CNTN5: variants seen among roughly 807,000 people sequenced by gnomAD.
The protein encoded by CNTN5 is contactin-5.
CNTN5 carries 77 observed loss-of-function variants against 129.1 expected under a neutral mutation model. That is an observed-to-expected ratio of 0.60 (90% CI 0.50 to 0.72). CNTN5 has a LOEUF of 0.72. Ranked by LOEUF, CNTN5 falls within the 30% of genes least tolerant of loss-of-function variation. CNTN5 has a pLI of 0.00. For synonymous variants in CNTN5, 509 were observed against 465.6 expected (o/e 1.09, Z -1.20); for missense variants, 1,478 against 1,328.8 (o/e 1.11, Z -1.75).
intron 3 of CNTN5, among the ~76,000 whole-genome samples, chr11:99,785,677 G>C (rs1472598403): frequency 2.0e-5 from 3 of 152,048 alleles, no homozygotes; most frequent in African/African-American, 7.2e-5. Flanking sequence ...TCACCCCTGG[G>C]TTACAAGACT....
intron 13 of CNTN5, among the ~76,000 whole-genome samples, chr11:100,119,972 T>G: frequency 6.6e-6 from 1 of 151,966 alleles, no homozygotes; most frequent in Middle Eastern, 3.2e-3. Context: ...AAAATAGATA[T>G]ATTTACAACT....
At chr11:99,388,011 C>G (rs1591610926) in intron 2 of CNTN5, among the ~76,000 whole-genome samples, 1 of 152,062 alleles carries the variant, frequency 6.6e-6, no homozygotes, top group South Asian at 2.1e-4. Context: ...AATTGAGAAC[C>G]CTCTCTCTAT....
At chr11:99,439,262 G>A (rs1396603218) in intron 2 of CNTN5, among the ~76,000 whole-genome samples, 1 of 151,948 alleles carries the variant, frequency 6.6e-6, no homozygotes, top group Non-Finnish European at 1.5e-5. Context: ...GCATGTTAAT[G>A]AGCTAGTTCA....
chr11:100,124,616 T>A (rs1946126354), intron 13 of CNTN5, among the ~76,000 whole-genome samples: 1 of 152,072 alleles, frequency 6.6e-6, no homozygotes, highest in African/African-American at 2.4e-5. Flanking sequence ...CAATACCATA[T>A]AAAGTATTGT....
chr11:99,301,205 G>A (rs1023963684), intron 1 of CNTN5, among the ~76,000 whole-genome samples: 2 of 151,198 alleles, frequency 1.3e-5, no homozygotes, highest in African/African-American at 2.4e-5. Flanking sequence ...AATACACATA[G>A]AAAACAAGTA....
chr11:99,687,065 C>T (rs1157750963), intron 3 of CNTN5, among the ~76,000 whole-genome samples: 1 of 152,146 alleles, frequency 6.6e-6, no homozygotes, highest in Non-Finnish European at 1.5e-5. Context: ...ACGTGAAGAG[C>T]TCTATTCAGG....
chr11:100,353,800 GTGTGTGTGTGTGTGCACGCCCA>G (rs981630852), intron 24 of CNTN5, among the ~76,000 whole-genome samples: 1 of 150,670 alleles, frequency 6.6e-6, no homozygotes, highest in African/African-American at 2.4e-5. Context: ...TTTTGCATTT[GTGTGTGTGTGTGTGCACGCCCA>G]TGTGTGTGTT....
chr11:100,272,250 C>T (rs1950420178), intron 18 of CNTN5, among the ~76,000 whole-genome samples: 1 of 152,122 alleles, frequency 6.6e-6, no homozygotes, highest in South Asian at 2.1e-4. Flanking sequence ...CTCAGCATGT[C>T]ATATTTTTAA....
At chr11:99,065,456 G>C (rs1279023077) in intron 1 of CNTN5, among the ~76,000 whole-genome samples, 1 of 152,130 alleles carries the variant, frequency 6.6e-6, no homozygotes, top group Non-Finnish European at 1.5e-5. Flanking sequence ...CCAAACACCA[G>C]TGAATCTTAA....
At chr11:99,400,823 T>C (rs982691721) in intron 2 of CNTN5, among the ~76,000 whole-genome samples, 3 of 152,206 alleles carry the variant, frequency 2.0e-5, no homozygotes, top group Non-Finnish European at 2.9e-5. Context: ...ATTTCTCTAA[T>C]GATCAGTGAC....
chr11:99,785,724 A>T (rs1591173603), intron 3 of CNTN5, among the ~76,000 whole-genome samples: 1 of 152,268 alleles, frequency 6.6e-6, no homozygotes, highest in East Asian at 1.9e-4. Flanking sequence ...ATAATCTATC[A>T]TAAACATAAA....
At chr11:99,247,873 T>G (rs867097274) in intron 1 of CNTN5, among the ~76,000 whole-genome samples, 1 of 152,208 alleles carries the variant, frequency 6.6e-6, no homozygotes, top group East Asian at 1.9e-4. Context: ...GTTGGACATT[T>G]GGGTTGGTTC....
chr11:100,033,301 A>G (rs1239396025), intron 9 of CNTN5, among the ~76,000 whole-genome samples: 1 of 152,224 alleles, frequency 6.6e-6, no homozygotes, highest in Admixed American at 6.5e-5. Context: ...AATAAAACAG[A>G]GTAAAATAAG....
At chr11:99,618,420 C>T (rs934659530) in intron 3 of CNTN5, among the ~76,000 whole-genome samples, 1 of 152,114 alleles carries the variant, frequency 6.6e-6, no homozygotes, top group African/African-American at 2.4e-5. Flanking sequence ...TATATTGATT[C>T]ATCACTTGAT....
chr11:99,060,156 A>G lies in CNTN5; in HGVS notation c.-210+38886A>G, dbSNP rs1864814624. Among the ~76,000 whole-genome samples the G allele has an allele frequency of 2.6e-5, 4 of 152,076 alleles. No homozygotes were observed. In the South Asian group the frequency reaches 6.2e-4, roughly 24 times the overall value. On this transcript the variant is annotated intron_variant, in intron 1 of 24. Coordinates refer to ENST00000524871, the MANE Select transcript of CNTN5 (RefSeq NM_014361.4). ...ATTATACCAGTAAATGTGGGTATGT[A>G]TGGGCCTGTAAATAAGCTGTTGGTT...
chr11:99,021,137 C>G lies in CNTN5; in HGVS notation c.-343C>G, dbSNP rs1318863157. The G allele has an allele frequency of 6.6e-6, 1 of 152,438 alleles. No individual in the cohort carries two copies. The highest frequency in any genetic ancestry group is 1.5e-5 in the Non-Finnish European group (1 of 68,238). 9.4% of individuals were successfully genotyped at this position (152,438 alleles called of 1,614,324 possible). A position where few individuals can be genotyped will look rare whatever the true frequency, so the allele number is the denominator to read the frequency against. The stretch of plus-strand genomic sequence containing the variant: ...GATTCCCTCTGAATGATTAAGAACT[C>G]CGCAATTCGCCTCTGCCACAGGCTG... On this transcript the variant is annotated 5_prime_UTR_variant, in exon 1 of 25. Coordinates refer to ENST00000524871, the MANE Select transcript of CNTN5 (RefSeq NM_014361.4).
intron 7 of CNTN5, among the ~76,000 whole-genome samples, chr11:99,951,249 G>A (rs1236902359): frequency 2.1e-5 from 3 of 144,758 alleles, no homozygotes; most frequent in African/African-American, 7.5e-5. Context: ...GGGGCGCACA[G>A]ACCAAGGGAA....
chr11:99,897,003 C>A (rs1949224065), intron 6 of CNTN5, among the ~76,000 whole-genome samples: 1 of 152,132 alleles, frequency 6.6e-6, no homozygotes, highest in Admixed American at 6.6e-5. Flanking sequence ...CGGGTACCAG[C>A]CCATCCCTCC....
intron 3 of CNTN5, among the ~76,000 whole-genome samples, chr11:99,579,812 T>G (rs1187689907): frequency 1.3e-5 from 2 of 151,072 alleles, no homozygotes; most frequent in Admixed American, 1.3e-4. Flanking sequence ...CCTAATTGAA[T>G]GCCCTTTATT....
Sources: allele counts gnomAD v4.1 joint callset (sites outside exome capture counted in the v4.1 genomes callset), GRCh38; gene constraint gnomAD v4.1.1; transcripts MANE v1.5; gene names NCBI Gene and HGNC (gene_info 2026-07-23, HGNC 2026-07-21).